The following RRP12 variants were observed in gnomAD, a reference collection of about 807,000 sequenced individuals.
RRP12 encodes the protein ribosomal RNA processing 12 homolog, also known as RRP12-like protein.
Under a neutral mutation model 157.3 loss-of-function variants are expected in RRP12, and 78 were observed. The ratio of observed to expected loss-of-function variants is 0.50; its 90% CI spans 0.41 to 0.60. The LOEUF (loss-of-function observed/expected upper bound fraction) is 0.60. Ranked by LOEUF, RRP12 falls within the 20% of genes least tolerant of loss-of-function variation. The pLI, the probability that RRP12 is intolerant of heterozygous loss-of-function variation, is 0.00. For missense variants in RRP12, 1,521 were observed against 1,679.9 expected, an observed-to-expected ratio of 0.91 and a Z score of 1.65; for synonymous variants, 726 against 670.9, an observed-to-expected ratio of 1.08 and a Z score of -1.27.
At chr10:97,380,280 G>C (rs1274863868) in intron 13 of RRP12, among the ~76,000 whole-genome samples, 2 of 152,132 alleles carry the variant, frequency 1.3e-5, no homozygotes, top group Non-Finnish European at 2.9e-5. Context: ...AGTCAGTGAG[G>C]AAGGCCCCAC....
At chr10:97,363,263 T>C (rs1843888207) in intron 30 of RRP12, among the ~76,000 whole-genome samples, 1 of 152,200 alleles carries the variant, frequency 6.6e-6, no homozygotes, top group Non-Finnish European at 1.5e-5. Context: ...TTGGGCCCAC[T>C]TCACCCTTGT....
intron 29 of RRP12, among the ~76,000 whole-genome samples, chr10:97,364,879 G>A (rs566735447): frequency 2.9e-4 from 44 of 152,120 alleles, no homozygotes; most frequent in Non-Finnish European, 5.6e-4. Flanking sequence ...CAGAGAGAGA[G>A]GGGAGGGGTC....
Position 97,366,858 on chromosome 10 carries a change from G to T in RRP12, c.3099C>A (p.Val1033=). ...CCCGGGCCTCAGCTTTCCGGATGTT[G>T]ACCAGGACTCTGTGGTACTCCTCGG... ...LLPEEYHRVL[V]NIRKAEARAK... is the part of the protein sequence containing the mutation. Residue 1033 remains valine (V), a synonymous_variant, in exon 27 of 34, where the codon GTC becomes GTA. Coordinates refer to ENST00000370992, the MANE Select transcript of RRP12 (RefSeq NM_015179.4). 6.2e-7 allele frequency: 1 copy of T among 1,614,142 alleles called. No homozygotes were observed. The highest frequency in any genetic ancestry group is 1.1e-5 in the South Asian group (1 of 91,080).
rs115425011 is a variant in RRP12 at position 97,359,138 on chromosome 10, C to G, written c.3641-128G>C. 2,009 of 647,904 alleles carry G rather than the reference C, an allele frequency of 3.1e-3. 26 individuals carry two copies. In the African/African-American group the frequency reaches 0.031, roughly 10 times the overall value. The allele number at this position is 647,904 out of a possible 1,614,324, so 40.1% of individuals were successfully genotyped here. A position where few individuals can be genotyped will look rare whatever the true frequency, so the allele number is the denominator to read the frequency against. ...GTGAAGGCCAGGAACTTGGCTCTGTCCCCTATCAAACCAGGACAAAGACCT... is the reference window on the plus strand; with the variant it reads ...GTGAAGGCCAGGAACTTGGCTCTGTGCCCTATCAAACCAGGACAAAGACCT... On this transcript the variant is annotated intron_variant, in intron 31 of 33. Coordinates refer to ENST00000370992, the MANE Select transcript of RRP12 (RefSeq NM_015179.4).
intron 31 of RRP12, 94 bp downstream of exon 31, chr10:97,360,452 C>T: frequency 1.0e-6 from 1 of 1,001,266 alleles, no homozygotes; most frequent in Non-Finnish European, 1.6e-6. Context: ...AGGCTGTGCA[C>T]CCTCATGGCC....
intron 29 of RRP12, among the ~76,000 whole-genome samples, chr10:97,365,518 G>A (rs148957686): frequency 0.023 from 3,437 of 152,060 alleles, 141 homozygotes; most frequent in African/African-American, 0.077. Context: ...CCTGATCTGC[G>A]CGCCTTGGCC....
At chr10:97,377,390 G>C (rs184276529) in intron 15 of RRP12, among the ~76,000 whole-genome samples, 93 of 151,688 alleles carry the variant, frequency 6.1e-4, no homozygotes, top group Non-Finnish European at 1.1e-3. Flanking sequence ...TGAGCCAGGT[G>C]TGGTGGCACA....
chr10:97,370,020 G>C, intron 24 of RRP12, 147 bp downstream of exon 24: 1 of 631,268 alleles, frequency 1.6e-6, no homozygotes, highest in Non-Finnish European at 2.8e-6. Flanking sequence ...CGCAGGAAGG[G>C]AGACAGGGAG....
chr10:97,357,552 T>C (rs1843742456), intron 33 of RRP12, among the ~76,000 whole-genome samples: 1 of 152,136 alleles, frequency 6.6e-6, no homozygotes. Context: ...CCTAGTAACA[T>C]TAGTTTCCAA....
rs866930412 is a variant in RRP12 at position 97,370,931 on chromosome 10, C to T, written c.2494G>A (p.Ala832Thr). ...LDSLRSTSSPAKRPRLKCLLH... is the reference protein window; with the variant it reads ...LDSLRSTSSPTKRPRLKCLLH... ...GGCCCTAGAGCCCTCACCCTCTTGG[C>T]GGGTGAGGAGGTGCTCCGCAGCGAG... is the stretch of plus-strand genomic sequence containing the variant. The change falls in exon 21 of 34, where the codon GCC (alanine) becomes ACC (threonine). Residue 832 changes from alanine to threonine, a missense_variant. Coordinates refer to ENST00000370992, the MANE Select transcript of RRP12 (RefSeq NM_015179.4). The T allele has an allele frequency of 2.5e-6, 4 of 1,613,800 alleles. No homozygotes were observed. Among genetic ancestry groups the T allele is most frequent in the South Asian group, 2.2e-5 (2 of 91,092 alleles).
At chr10:97,379,267 C>A in intron 15 of RRP12, 26 bp downstream of exon 15, 2 of 1,612,390 alleles carry the variant, frequency 1.2e-6, no homozygotes, top group South Asian at 2.2e-5. Context: ...AGCCTCAGGT[C>A]ACACACAGGC....
Position 97,369,510 on chromosome 10 carries a change from T to A in RRP12, c.2870A>T (p.Asp957Val), listed in dbSNP as rs1844080995. 4.4e-6 allele frequency: 7 copies of A among 1,604,720 alleles called. No homozygotes were observed. The African/African-American group carries it at 8.0e-5, about 18-fold the overall frequency. Residue 957 changes from aspartate to valine, a missense_variant, in exon 25 of 34, where the codon GAC (aspartate) becomes GTC (valine). By Grantham distance (152) the Asp-to-Val change is radical. Transcript: ENST00000370992. ...GAAGCCCAGTGCAGACTTGACCACGTCACGGGTGCGGGAGGCCAGAAGCAG... is the reference window on the plus strand; with the variant it reads ...GAAGCCCAGTGCAGACTTGACCACGACACGGGTGCGGGAGGCCAGAAGCAG... ...VCLLLASRTRDVVKSALGFIK... is the reference protein window; with the variant it reads ...VCLLLASRTRVVVKSALGFIK...
At chr10:97,388,429 C>T in intron 7 of RRP12, 50 bp from the exon 8 acceptor site, 1 of 1,613,070 alleles carries the variant, frequency 6.2e-7, no homozygotes, top group Non-Finnish European at 8.5e-7. Flanking sequence ...TACCGCAGGC[C>T]CTGTCCTGCT....
intron 10 of RRP12, among the ~76,000 whole-genome samples, 174 bp from the exon 11 acceptor site, chr10:97,382,000 A>G (rs948807777): frequency 2.6e-5 from 4 of 152,210 alleles, no homozygotes; most frequent in South Asian, 2.1e-4. Flanking sequence ...CGTTCAAGTA[A>G]TAACTACATG....
chr10:97,396,301 T>C lies in RRP12; in HGVS notation c.370A>G (p.Ile124Val), dbSNP rs1467058336. 6.2e-7 allele frequency: 1 copy of C among 1,613,256 alleles called. No individual in the cohort carries two copies. The highest frequency in any genetic ancestry group is 8.5e-7 in the Non-Finnish European group (1 of 1,179,320). ...GTGACAGCAGCCAGAACAGCACAGA[T>C]CTGCACAGGAGGGAGAAAGCACTGT... ...WESNSAAHKE[I>V]CAVLAAVTEV... Residue 124 changes from isoleucine (I) to valine (V), a missense_variant and splice_region_variant, in exon 3 of 34, where the codon ATC becomes GTC. Ile to Val is a conservative substitution (Grantham distance 29). Transcript: ENST00000370992.
intron 4 of RRP12, among the ~76,000 whole-genome samples, chr10:97,391,309 C>T (rs1000843464): frequency 1.3e-5 from 2 of 151,662 alleles, no homozygotes; most frequent in East Asian, 1.9e-4. Context: ...TGGTGGCTCA[C>T]GCCTGTAATC....
chr10:97,388,337 A>G lies in RRP12; in HGVS notation c.932T>C (p.Leu311Pro). Residue 311 changes from leucine to proline, a missense_variant, in exon 8 of 34, where the codon CTG becomes CCG. Physicochemically the swap from Leu to Pro is moderately conservative, Grantham distance 98. Coordinates refer to ENST00000370992, the MANE Select transcript of RRP12 (RefSeq NM_015179.4). ...CGGGAAGCAGGGCAGCAGGTCCTTCAGCAGCGTCAGCATGTGCAGCGTGGT... is the reference window on the plus strand; with the variant it reads ...CGGGAAGCAGGGCAGCAGGTCCTTCGGCAGCGTCAGCATGTGCAGCGTGGT... ...ATTTLHMLTL[L>P]KDLLPCFPEG... The G allele has an allele frequency of 1.2e-6, 2 of 1,613,996 alleles. No individual in the cohort carries two copies. The highest frequency in any genetic ancestry group is 1.7e-6 in the Non-Finnish European group (2 of 1,180,024).
chr10:97,357,831 T>C (rs943452421), intron 33 of RRP12, among the ~76,000 whole-genome samples: 13 of 151,520 alleles, frequency 8.6e-5, no homozygotes, highest in East Asian at 3.9e-4. Context: ...TGGTGGCGGG[T>C]GCCTGTAGTC....
Position 97,401,255 on chromosome 10 carries a change from T to C in RRP12, c.-24A>G, listed in dbSNP as rs1285483261. 1 of 1,612,380 alleles carries C rather than the reference T, an allele frequency of 6.2e-7. No homozygotes were observed. Among genetic ancestry groups the C allele is most frequent in the East Asian group, 2.2e-5 (1 of 44,868 alleles). ...ATGTTGACTAAGCCGTGGCGAGGAA[T>C]GAGCTTAAATGACCGGCTTCCAGGG... On this transcript the variant is annotated 5_prime_UTR_variant, in exon 1 of 34. Coordinates refer to ENST00000370992, the MANE Select transcript of RRP12 (RefSeq NM_015179.4).
Sources: gnomAD v4.1 joint callset for allele counts (sites outside exome capture counted in the v4.1 genomes callset) on GRCh38, gnomAD v4.1.1 for gene constraint, MANE v1.5 for transcripts, NCBI Gene and HGNC (gene_info 2026-07-23, HGNC 2026-07-21) for gene names.